BLVRA: variants seen among roughly 807,000 people sequenced by gnomAD.
BLVRA encodes the protein biliverdin reductase A.
In BLVRA, 22 loss-of-function variants were observed where a neutral mutation model predicts 32.8. That is an observed-to-expected ratio of 0.67 (90% CI 0.48 to 0.96). The LOEUF is 0.96. Among genes scored for constraint, BLVRA ranks in the 40% least tolerant of loss-of-function variants. BLVRA has a pLI of 0.00. For synonymous variants in BLVRA, 119 were observed against 141.3 expected, an observed-to-expected ratio of 0.84 and a Z score of 1.12; for missense variants, 323 against 358.1, an observed-to-expected ratio of 0.90 and a Z score of 0.79.
intron 2 of BLVRA, among the ~76,000 whole-genome samples, chr7:43,782,477 G>T (rs1345997821): frequency 6.6e-6 from 1 of 152,182 alleles, no homozygotes; most frequent in Non-Finnish European, 1.5e-5. Context: ...GTCAGGAAGG[G>T]TGGATAATTG....
chr7:43,790,761 C>G (rs2095784874), intron 3 of BLVRA, among the ~76,000 whole-genome samples: 1 of 152,216 alleles, frequency 6.6e-6, no homozygotes, highest in Non-Finnish European at 1.5e-5. Flanking sequence ...CAACCTCCAT[C>G]TCCCGGATTC....
At chr7:43,759,542 G>A (rs986322964) in intron 1 of BLVRA, among the ~76,000 whole-genome samples, 4 of 152,146 alleles carry the variant, frequency 2.6e-5, no homozygotes, top group Non-Finnish European at 4.4e-5. Flanking sequence ...CTGTAAAAGT[G>A]GGGGTAATCA....
chr7:43,780,637 A>C (rs1171932564), intron 2 of BLVRA, among the ~76,000 whole-genome samples: 1 of 152,130 alleles, frequency 6.6e-6, no homozygotes, highest in Non-Finnish European at 1.5e-5. Context: ...AAGAGACCTC[A>C]GGCACAGGGA....
At chr7:43,778,870 C>G (rs868289983) in intron 2 of BLVRA, among the ~76,000 whole-genome samples, 3 of 152,254 alleles carry the variant, frequency 2.0e-5, no homozygotes, top group South Asian at 4.1e-4. Flanking sequence ...AGGCGCCCCT[C>G]CCCCAGCCTT....
intron 6 of BLVRA, among the ~76,000 whole-genome samples, chr7:43,802,826 C>G (rs1284397934): frequency 1.3e-5 from 2 of 152,164 alleles, no homozygotes; most frequent in African/African-American, 4.8e-5. Flanking sequence ...CAACCTCTGC[C>G]TCCCGGGCTA....
chr7:43,768,489 C>G (rs1585712124), intron 1 of BLVRA, among the ~76,000 whole-genome samples: 1 of 152,144 alleles, frequency 6.6e-6, no homozygotes, highest in East Asian at 1.9e-4. Flanking sequence ...GGGTGCTTTA[C>G]CCTCCCTGAA....
At chr7:43,779,855 A>G (rs1175452662) in intron 2 of BLVRA, among the ~76,000 whole-genome samples, 2 of 151,610 alleles carry the variant, frequency 1.3e-5, no homozygotes, top group African/African-American at 2.4e-5. Context: ...TTCCTTACAT[A>G]TATATATTTT....
Position 43,787,115 on chromosome 7 carries a change from G to T in BLVRA, c.13-789G>T, listed in dbSNP as rs553364565. 1.3e-5 allele frequency among the ~76,000 whole-genome samples: 2 copies of T among 151,922 alleles called. No homozygotes were observed. The highest frequency in any genetic ancestry group is 2.9e-5 in the Non-Finnish European group (2 of 67,970). ...TTTTTGTATTTTTAGTAGAGACGAGGTTTCTCCATGTTGGCCAGGCTGGTC... is the reference window on the plus strand; with the variant it reads ...TTTTTGTATTTTTAGTAGAGACGAGTTTTCTCCATGTTGGCCAGGCTGGTC... On this transcript the variant is annotated intron_variant, in intron 2 of 7. Transcript: ENST00000265523. The surrounding 1 kb of genome is among the most constrained non-coding windows in gnomAD (Gnocchi z 4.5).
At chr7:43,785,900 T>C (rs2095776923) in intron 2 of BLVRA, among the ~76,000 whole-genome samples, 2 of 152,184 alleles carry the variant, frequency 1.3e-5, no homozygotes, top group Non-Finnish European at 2.9e-5. Flanking sequence ...GAGTTATAGC[T>C]AATAGCCAAC....
chr7:43,763,796 C>A (rs142706774), intron 1 of BLVRA, among the ~76,000 whole-genome samples: 1 of 152,106 alleles, frequency 6.6e-6, no homozygotes. Context: ...CAAATTTATA[C>A]GTAATGATTT....
At chr7:43,777,074 G>A (rs1297856709) in intron 2 of BLVRA, among the ~76,000 whole-genome samples, 7 of 150,352 alleles carry the variant, frequency 4.7e-5, no homozygotes, top group African/African-American at 1.7e-4. Context: ...ACAGCACACT[G>A]ATGGGTCTTG....
chr7:43,758,308 G>A (rs570391567), upstream of BLVRA, among the ~76,000 whole-genome samples: 2 of 152,258 alleles, frequency 1.3e-5, no homozygotes, highest in Admixed American at 6.5e-5. Flanking sequence ...GCGGATAAGA[G>A]AGATGCGACA....
chr7:43,777,704 G>A (rs974335888), intron 2 of BLVRA, among the ~76,000 whole-genome samples: 8 of 152,078 alleles, frequency 5.3e-5, no homozygotes, highest in Non-Finnish European at 8.8e-5. Flanking sequence ...TGCTAGATTG[G>A]GGAAGTTCTC....
At chr7:43,793,122 G>A (rs1314222928) in intron 5 of BLVRA, among the ~76,000 whole-genome samples, 1 of 152,146 alleles carries the variant, frequency 6.6e-6, no homozygotes, top group East Asian at 1.9e-4. Context: ...TACTTATATT[G>A]CTAAATGCTG....
At chr7:43,766,427 A>G (rs1426712864) in intron 1 of BLVRA, among the ~76,000 whole-genome samples, 3 of 152,242 alleles carry the variant, frequency 2.0e-5, no homozygotes, top group Admixed American at 6.5e-5. Context: ...GACCATTTAA[A>G]TAGTACACCT....
intron 6 of BLVRA, among the ~76,000 whole-genome samples, chr7:43,801,635 A>G (rs1331913647): frequency 6.6e-6 from 1 of 151,284 alleles, no homozygotes; most frequent in African/African-American, 2.5e-5. Flanking sequence ...TAAGTTAAGT[A>G]AGTTAAGTAC....
At chr7:43,805,020 A>AC (rs1253376644) in intron 7 of BLVRA, among the ~76,000 whole-genome samples, 1 of 152,226 alleles carries the variant, frequency 6.6e-6, no homozygotes, top group Non-Finnish European at 1.5e-5. Flanking sequence ...CTATGGAGTG[A>AC]CCAACAGTGG....
chr7:43,779,916 C>G (rs1460770804), intron 2 of BLVRA, among the ~76,000 whole-genome samples: 1 of 151,666 alleles, frequency 6.6e-6, no homozygotes, highest in East Asian at 1.9e-4. Flanking sequence ...ATTCTGTCAC[C>G]CAGCTGGAGT....
intron 6 of BLVRA, among the ~76,000 whole-genome samples, chr7:43,803,426 T>C (rs552461500): frequency 2.6e-5 from 4 of 152,352 alleles, no homozygotes; most frequent in African/African-American, 9.6e-5. Flanking sequence ...TCCAGTAGAA[T>C]GTTTTACTAA....
Sources: gnomAD v4.1 joint callset for allele counts (sites outside exome capture counted in the v4.1 genomes callset) on GRCh38, gnomAD v4.1.1 for gene constraint, Gnocchi (gnomAD v3.1) non-coding constraint, MANE v1.5 for transcripts, NCBI Gene and HGNC (gene_info 2026-07-23, HGNC 2026-07-21) for gene names.